COL20A1: variants seen among roughly 807,000 people sequenced by gnomAD.
COL20A1 encodes the protein collagen alpha-1(XX) chain.
A neutral mutation model predicts 152.9 loss-of-function variants in COL20A1; 164 were observed. The observed-to-expected ratio is 1.07, with a 90% confidence interval of 0.94 to 1.22. COL20A1 has a LOEUF of 1.22. Among genes scored for constraint, COL20A1 ranks in the 50% most tolerant of loss-of-function variants. The pLI is 0.00. For synonymous variants in COL20A1, 864 were observed against 756.0 expected (o/e 1.14, Z -2.34); for missense variants, 1,873 against 1,744.8 (o/e 1.07, Z -1.31).
intron 20 of COL20A1, 107 bp from the exon 21 acceptor site, chr20:63,316,446 G>T (rs1401651853): frequency 2.4e-5 from 4 of 166,712 alleles, no homozygotes; most frequent in East Asian, 2.1e-4. Context: ...CCCTCCCACC[G>T]CACTGCAGCC....
At chr20:63,299,287 C>T (rs886311805) in intron 3 of COL20A1, among the ~76,000 whole-genome samples, 1 of 152,148 alleles carries the variant, frequency 6.6e-6, no homozygotes, top group Non-Finnish European at 1.5e-5. Context: ...ATAGTTTCAA[C>T]GTTAGTAGAA....
chr20:63,311,793 A>G lies in COL20A1; in HGVS notation c.1663+45A>G, dbSNP rs961395213. ...CTGCCTGCCCACAGGCGGGTGCCCC[A>G]TCTTGTTCCTCAGCCTTCCATGGCA... On this transcript the variant is annotated intron_variant, in intron 13 of 35. Coordinates refer to ENST00000358894, the MANE Select transcript of COL20A1 (RefSeq NM_020882.4). The surrounding 1 kb of genome is among the most constrained non-coding windows in gnomAD (Gnocchi z 4.4). 1.3e-6 allele frequency: 2 copies of G among 1,551,094 alleles called. No individual in the cohort carries two copies. The highest frequency in any genetic ancestry group is 2.4e-5 in the East Asian group (1 of 42,036).
At chr20:63,310,285 C>G in intron 10 of COL20A1, 96 bp from the exon 11 acceptor site, 1 of 1,426,478 alleles carries the variant, frequency 7.0e-7, no homozygotes, top group Non-Finnish European at 9.6e-7. Context: ...CTGCGGGCCC[C>G]AGCTGAGCTC....
chr20:63,322,128 C>T lies in COL20A1; in HGVS notation c.3294+17C>T. On this transcript the variant is annotated intron_variant, in intron 27 of 35. Transcript: ENST00000358894. The stretch of plus-strand genomic sequence containing the variant: ...GGGCCCAGGGTAAGTTTTGGGGAGC[C>T]CTGGGAGGTGAGGGGCCTGGATCGT... The T allele has an allele frequency of 4.0e-6, 6 of 1,495,930 alleles. No individual in the cohort carries two copies. The highest frequency in any genetic ancestry group is 5.3e-6 in the Non-Finnish European group (6 of 1,125,912). The allele number at this position is 1,495,930 out of a possible 1,614,324, so 92.7% of individuals were successfully genotyped here.
rs2068016020 is a variant in COL20A1 at position 63,312,047 on chromosome 20, T to G, written c.1795T>G (p.Ser599Ala). Reference protein sequence around the residue: ...VTYVSSEGGHSGQTEAPGNAT... With the variant: ...VTYVSSEGGHAGQTEAPGNAT... ...CTATGTGTCCAGCGAGGGTGGACAC[T>G]CGGGGCAGGTGAGAGCAGAGCCCTC... Residue 599 changes from serine (S) to alanine (A), a missense_variant, in exon 14 of 36, where the codon TCG becomes GCG. Coordinates refer to ENST00000358894, the MANE Select transcript of COL20A1 (RefSeq NM_020882.4). 1 of 1,578,750 alleles carries G rather than the reference T, an allele frequency of 6.3e-7. No individual in the cohort carries two copies. The highest frequency in any genetic ancestry group is 1.4e-5 in the African/African-American group (1 of 73,912).
At chr20:63,316,203 A>G (rs2068082137) in intron 20 of COL20A1, among the ~76,000 whole-genome samples, 1 of 150,964 alleles carries the variant, frequency 6.6e-6, no homozygotes, top group Admixed American at 6.6e-5. Flanking sequence ...GAGAGGTGGG[A>G]GTTGGGGCTC....
chr20:63,308,785 G>A, intron 8 of COL20A1, 79 bp downstream of exon 8: 2 of 1,280,190 alleles, frequency 1.6e-6, no homozygotes, highest in Non-Finnish European at 2.1e-6. Context: ...GCTTGCATTG[G>A]GCACCTGGTC....
In COL20A1 at chr20:63,300,239, G is replaced by A. The variant is rs556609059; in HGVS notation, c.193+2219G>A. Among the ~76,000 whole-genome samples, 49 of 152,270 alleles carry A rather than the reference G, an allele frequency of 3.2e-4. No individual in the cohort carries two copies. The South Asian group carries it at 1.0e-2, about 31-fold the overall frequency. The stretch of plus-strand genomic sequence containing the variant: ...ATACCTCATAAGATGAGGTGGGGAA[G>A]GATTCCTCTTATTCTGTTTTCTGGA... On this transcript the variant is annotated intron_variant, in intron 3 of 35. Transcript: ENST00000358894.
chr20:63,315,200 G>A (rs1484826832), intron 19 of COL20A1, among the ~76,000 whole-genome samples: 1 of 152,268 alleles, frequency 6.6e-6, no homozygotes, highest in Non-Finnish European at 1.5e-5. Context: ...CAGAGGGGCA[G>A]GGACCATCCC....
At position 63,312,479 on chromosome 20, in the gene COL20A1, C is replaced by G. The variant is rs1406653787; in HGVS notation, c.1863C>G (p.Thr621=). The G allele has an allele frequency of 1.2e-6, 2 of 1,609,104 alleles. No individual in the cohort carries two copies. Among genetic ancestry groups the G allele is most frequent in the East Asian group, 2.2e-5 (1 of 44,842 alleles). The part of the protein sequence containing the change: ...ATLGPLSSST[T]YTVRVTCLYP... The stretch of plus-strand genomic sequence containing the variant: ...TGGGGCCTCTCTCTTCCTCCACCAC[C>G]TACACTGTCCGTGTCACCTGCCTCT... The change falls in exon 15 of 36, where the codon ACC becomes ACG. Residue 621 remains threonine (T), a synonymous_variant. Coordinates refer to ENST00000358894, the MANE Select transcript of COL20A1 (RefSeq NM_020882.4).
intron 21 of COL20A1, among the ~76,000 whole-genome samples, chr20:63,317,207 T>C (rs1218998953): frequency 6.6e-6 from 1 of 152,094 alleles, no homozygotes; most frequent in African/African-American, 2.4e-5. Context: ...GGAAGCCAGG[T>C]GTGGTGGTGC....
chr20:63,294,938 A>G, intron 1 of COL20A1, 160 bp from the exon 2 acceptor site: 1 of 578,982 alleles, frequency 1.7e-6, no homozygotes. Flanking sequence ...TCCCCTAGAC[A>G]ACAGGTTGCA....
intron 8 of COL20A1, 139 bp from the exon 9 acceptor site, chr20:63,309,194 G>A (rs1055390923): frequency 5.1e-5 from 30 of 593,330 alleles, no homozygotes; most frequent in Non-Finnish European, 7.2e-5. Flanking sequence ...GCCTGGCCCA[G>A]CATGTGGGTG....
At chr20:63,320,467 A>C (rs764757362) in intron 25 of COL20A1, 99 bp downstream of exon 25, 280 of 1,190,710 alleles carry the variant, frequency 2.4e-4, no homozygotes, top group Non-Finnish European at 3.1e-4. Context: ...CCAGATTGTC[A>C]CCGTGCTGGG....
In COL20A1 at chr20:63,334,533, C is replaced by T. The variant is rs1054959458; in HGVS notation, c.*3817C>T. Reference sequence around the variant, plus strand: ...CCTGGGCTCAAGTGGTCCTCCTGCTCCGGTCTTCTGAGTAGCAGGAACCAC... The same window carrying T: ...CCTGGGCTCAAGTGGTCCTCCTGCTTCGGTCTTCTGAGTAGCAGGAACCAC... On this transcript the variant is annotated 3_prime_UTR_variant, in exon 36 of 36. Coordinates refer to ENST00000358894, the MANE Select transcript of COL20A1 (RefSeq NM_020882.4). 2.6e-5 allele frequency: 4 copies of T among 152,236 alleles called. No homozygotes were observed. Among genetic ancestry groups the T allele is most frequent in the Non-Finnish European group, 5.9e-5 (4 of 68,060 alleles). The allele number at this position is 152,236 out of a possible 1,614,324, so 9.4% of individuals were successfully genotyped here.
intron 26 of COL20A1, 100 bp from the exon 27 acceptor site, chr20:63,321,958 G>C: frequency 1.1e-6 from 1 of 923,840 alleles, no homozygotes; most frequent in Non-Finnish European, 1.6e-6. Context: ...GTGGGGCATG[G>C]GGCTCAGGGT....
rs201366483 is a variant in COL20A1, at chr20:63,305,512, G to A, written c.289G>A (p.Glu97Lys). 175 of 1,607,066 alleles carry A rather than the reference G, an allele frequency of 1.1e-4. No homozygotes were observed. Among genetic ancestry groups the A allele is most frequent in the African/African-American group, 5.4e-4 (40 of 74,530 alleles). Residue 97 changes from glutamate to lysine, a missense_variant, in exon 4 of 36, where the codon GAG becomes AAG. Transcript: ENST00000358894. This position sits in a 1 kb window ranked among gnomAD's most constrained non-coding sequence, Gnocchi z 4.9. ...CAAGGGCTACACCTTGCAGATCTTC[G>A]AGCTCACTGGCTCTGGGCGCTTCCT... is the stretch of plus-strand genomic sequence containing the variant. ...PSKGYTLQIF[E>K]LTGSGRFLLA...
At chr20:63,321,415 T>TC (rs1215396920) in intron 26 of COL20A1, among the ~76,000 whole-genome samples, 1 of 152,032 alleles carries the variant, frequency 6.6e-6, no homozygotes, top group Non-Finnish European at 1.5e-5. Context: ...AGGCTGGGCC[T>TC]CCCCCACGAA....
At chr20:63,299,843 ACG>A (rs1491485639) in intron 3 of COL20A1, among the ~76,000 whole-genome samples, 1 of 151,034 alleles carries the variant, frequency 6.6e-6, no homozygotes, top group Non-Finnish European at 1.5e-5. Context: ...ATGTATATAT[ACG>A]TGTGTGTGTA....
Sources: allele counts gnomAD v4.1 joint callset (sites outside exome capture counted in the v4.1 genomes callset), GRCh38; gene constraint gnomAD v4.1.1; non-coding constraint Gnocchi (gnomAD v3.1); transcripts MANE v1.5; gene names NCBI Gene and HGNC (gene_info 2026-07-23, HGNC 2026-07-21).